The following AGPS variants were observed in gnomAD, a reference collection of about 807,000 sequenced individuals.
The protein encoded by AGPS is alkyldihydroxyacetonephosphate synthase, peroxisomal.
A neutral mutation model predicts 90.7 loss-of-function variants in AGPS; 26 were observed. The observed-to-expected ratio is 0.29, with a 90% CI of 0.21 to 0.40. AGPS has a LOEUF of 0.40. Ranked by LOEUF, AGPS falls within the 10% of genes least tolerant of loss-of-function variation. The pLI is 1.00. For missense variants in AGPS, 540 were observed against 816.1 expected (o/e 0.66, Z 4.12); for synonymous variants, 294 against 285.3 (o/e 1.03, Z -0.31).
At chr2:177,451,759 CTTATAG>C (rs1315390608) in intron 8 of AGPS, among the ~76,000 whole-genome samples, 2 of 151,932 alleles carry the variant, frequency 1.3e-5, no homozygotes, top group East Asian at 3.9e-4. Flanking sequence ...TATTTTGTGT[CTTATAG>C]TTGAGGTTAA....
intron 8 of AGPS, among the ~76,000 whole-genome samples, chr2:177,452,976 A>G (rs1026598185): frequency 6.6e-6 from 1 of 151,836 alleles, no homozygotes. Context: ...AACCTTTCCT[A>G]TACCCTTAAT....
rs1329347184 is a variant in AGPS, at chr2:177,541,859, G to A, written c.*3664G>A. ...ACATATTGATGCTTAAATCCAGAAA[G>A]TGTAAAAGGTTTTCTTAAACTGTTA... is the stretch of plus-strand genomic sequence containing the variant. On this transcript the variant is annotated 3_prime_UTR_variant, in exon 20 of 20. Transcript: ENST00000264167. 1.3e-5 allele frequency: 2 copies of A among 152,156 alleles called. No individual in the cohort carries two copies. The highest frequency in any genetic ancestry group is 2.9e-5 in the Non-Finnish European group (2 of 68,016). 9.4% of individuals were successfully genotyped at this position (152,156 alleles called of 1,614,324 possible). A position where few individuals can be genotyped will look rare whatever the true frequency, so the allele number is the denominator to read the frequency against.
intron 11 of AGPS, among the ~76,000 whole-genome samples, chr2:177,487,229 G>C (rs569050363): frequency 1.3e-5 from 2 of 151,918 alleles, no homozygotes; most frequent in East Asian, 3.9e-4. Flanking sequence ...TAGGAGTAGT[G>C]CCCTATGGTA....
chr2:177,441,875 C>T (rs1000943035), intron 6 of AGPS, among the ~76,000 whole-genome samples: 1 of 152,092 alleles, frequency 6.6e-6, no homozygotes, highest in South Asian at 2.1e-4. Context: ...ACTTTTTCAC[C>T]AAAGAACATA....
At chr2:177,492,211 C>T (rs1353828900) in intron 11 of AGPS, among the ~76,000 whole-genome samples, 1 of 152,174 alleles carries the variant, frequency 6.6e-6, no homozygotes, top group Non-Finnish European at 1.5e-5. Context: ...CTGGTAGGAA[C>T]TTAAAATGTT....
chr2:177,410,806 A>G (rs1483697471), intron 1 of AGPS, among the ~76,000 whole-genome samples: 2 of 152,142 alleles, frequency 1.3e-5, no homozygotes, highest in African/African-American at 4.8e-5. Context: ...CGCTTACCCC[A>G]GGCACCCTCA....
intron 8 of AGPS, among the ~76,000 whole-genome samples, chr2:177,457,285 A>G (rs190633882): frequency 2.0e-5 from 3 of 152,222 alleles, no homozygotes; most frequent in Admixed American, 2.0e-4. Context: ...TAAAAGAACT[A>G]GAGAAGCAAC....
intron 3 of AGPS, among the ~76,000 whole-genome samples, 158 bp downstream of exon 3, chr2:177,434,575 C>T (rs924529148): frequency 9.2e-5 from 14 of 152,086 alleles, no homozygotes; most frequent in Non-Finnish European, 1.9e-4. Context: ...AGACTGTTAG[C>T]GGCAGTTATT....
At chr2:177,477,412 G>C (rs1193429204) in intron 10 of AGPS, among the ~76,000 whole-genome samples, 2 of 152,186 alleles carry the variant, frequency 1.3e-5, no homozygotes, top group East Asian at 3.9e-4. Context: ...AAAGAAGAAA[G>C]GAGAGCAAGT....
At chr2:177,534,775 T>A (rs553183271) in intron 19 of AGPS, among the ~76,000 whole-genome samples, 1 of 151,578 alleles carries the variant, frequency 6.6e-6, no homozygotes, top group African/African-American at 2.4e-5. Context: ...TTTATTTTTA[T>A]TTTTTTAGAA....
At chr2:177,453,306 T>C (rs1002135662) in intron 8 of AGPS, among the ~76,000 whole-genome samples, 2 of 151,934 alleles carry the variant, frequency 1.3e-5, no homozygotes, top group African/African-American at 4.8e-5. Context: ...AGTTTCACTC[T>C]TGTTACCCAG....
chr2:177,409,714 C>T (rs1685565819), intron 1 of AGPS, among the ~76,000 whole-genome samples: 2 of 152,084 alleles, frequency 1.3e-5, no homozygotes, highest in South Asian at 4.2e-4. Flanking sequence ...TCGATCTCAT[C>T]AACATTGGAG....
At chr2:177,434,997 G>GGGTGTATATATATATATATA (rs36151985) in intron 3 of AGPS, among the ~76,000 whole-genome samples, 126 of 128,118 alleles carry the variant, frequency 9.8e-4, no homozygotes, top group African/African-American at 3.7e-3. Flanking sequence ...TAAACTGTAG[G>GGGTGTATATATATATATATA]TATATATATA....
chr2:177,508,712 A>T (rs1239569702), intron 16 of AGPS, among the ~76,000 whole-genome samples: 2 of 152,194 alleles, frequency 1.3e-5, no homozygotes, highest in Admixed American at 1.3e-4. Flanking sequence ...CTCATCCAGT[A>T]ATAAAAAAAA....
chr2:177,433,229 A>G (rs1476348757), intron 2 of AGPS, among the ~76,000 whole-genome samples: 1 of 152,226 alleles, frequency 6.6e-6, no homozygotes, highest in African/African-American at 2.4e-5. Flanking sequence ...TGAGCAAAAG[A>G]CTTGAACTGG....
chr2:177,476,762 T>G (rs1320857191), intron 10 of AGPS, among the ~76,000 whole-genome samples: 3 of 152,132 alleles, frequency 2.0e-5, no homozygotes, highest in Non-Finnish European at 2.9e-5. Flanking sequence ...GGCATTGAAG[T>G]CTCCAACTGT....
rs1574044900 is a variant in AGPS at position 177,541,726 on chromosome 2, G to A, written c.*3531G>A. 4 of 152,160 alleles carry A rather than the reference G, an allele frequency of 2.6e-5. No individual in the cohort carries two copies. In the South Asian group the frequency reaches 8.3e-4, roughly 31 times the overall value. The allele number at this position is 152,160 out of a possible 1,614,324, so 9.4% of individuals were successfully genotyped here. ...GAATGTTTTACCTTTGACTTTATGA[G>A]TTATAGAAGCTTGGCTTTGCTCTAG... On this transcript the variant is annotated 3_prime_UTR_variant, in exon 20 of 20. Transcript: ENST00000264167.
intron 7 of AGPS, 28 bp from the exon 8 acceptor site, chr2:177,445,518 A>G (rs1230132646): frequency 1.3e-6 from 2 of 1,564,252 alleles, no homozygotes; most frequent in South Asian, 2.2e-5. Flanking sequence ...GTTCCTGGAG[A>G]TCAGATTTCT....
chr2:177,406,106 C>T (rs1685460046), intron 1 of AGPS, among the ~76,000 whole-genome samples: 1 of 152,162 alleles, frequency 6.6e-6, no homozygotes, highest in Admixed American at 6.5e-5. Flanking sequence ...ATCAGATGGA[C>T]TCCAAGTCAG....
Sources: allele counts gnomAD v4.1 joint callset (sites outside exome capture counted in the v4.1 genomes callset), GRCh38; gene constraint gnomAD v4.1.1; transcripts MANE v1.5; gene names NCBI Gene and HGNC (gene_info 2026-07-23, HGNC 2026-07-21).